Variants in RAET1E observed in about 807,000 individuals in gnomAD.
The protein encoded by RAET1E is retinoic acid early transcript 1E.
In RAET1E, 27 loss-of-function variants were observed where a neutral mutation model predicts 21.1. That is an observed-to-expected ratio of 1.28 (90% CI 0.94 to 1.76). The LOEUF (loss-of-function observed/expected upper bound fraction) is 1.76. RAET1E is among the 40% of genes most tolerant of loss of function. The pLI is 0.00. For synonymous variants in RAET1E, 113 were observed against 115.0 expected (o/e 0.98, Z 0.11); for missense variants, 310 against 311.3 (o/e 1.00, Z 0.03).
chr6:149,896,968 C>A (rs1778140012), intron 1 of RAET1E, among the ~76,000 whole-genome samples: 1 of 152,182 alleles, frequency 6.6e-6, no homozygotes, highest in African/African-American at 2.4e-5. Context: ...CATTTTCCAA[C>A]TGCAAAATGT....
intron 3 of RAET1E, 118 bp downstream of exon 3, chr6:149,890,699 G>A (rs1367678619): frequency 1.6e-5 from 11 of 702,032 alleles, no homozygotes; most frequent in African/African-American, 7.0e-5. Flanking sequence ...TCTTCCTCAC[G>A]TCATCCTTAA....
chr6:149,884,473 GC>G lies in RAET1E; in HGVS notation c.*4024del. The G allele has an allele frequency of 6.5e-7, 1 of 1,535,616 alleles. No homozygotes were observed. Among genetic ancestry groups the G allele is most frequent in the South Asian group, 1.2e-5 (1 of 84,060 alleles). The stretch of plus-strand genomic sequence containing the variant: ...GACCACAGGTGAACAACTCTGCGCC[GC>G]CGTGGTATCACCTCTAGGTGGATCT... On this transcript the variant is annotated 3_prime_UTR_variant, in exon 6 of 6. Coordinates refer to ENST00000357183, the MANE Select transcript of RAET1E (RefSeq NM_001394057.1).
intron 2 of RAET1E, among the ~76,000 whole-genome samples, 162 bp from the exon 3 acceptor site, chr6:149,891,196 C>A (rs546023362): frequency 1.3e-5 from 2 of 152,232 alleles, no homozygotes; most frequent in East Asian, 3.9e-4. Context: ...CAAAAAAAAC[C>A]CCCTCTGGTG....
Position 149,884,478 on chromosome 6 carries a change from G to GGCGCAGA in RAET1E, c.*4019_*4020insTCTGCGC. 6.5e-7 allele frequency: 1 copy of GGCGCAGA among 1,535,716 alleles called. No homozygotes were observed. The highest frequency in any genetic ancestry group is 8.7e-7 in the Non-Finnish European group (1 of 1,146,672). On this transcript the variant is annotated 3_prime_UTR_variant, in exon 6 of 6. Coordinates refer to ENST00000357183, the MANE Select transcript of RAET1E (RefSeq NM_001394057.1). ...CAGGTGAACAACTCTGCGCCGCCGT[G>GGCGCAGA]GTATCACCTCTAGGTGGATCTTCTG...
chr6:149,889,249 C>T, intron 5 of RAET1E, 99 bp downstream of exon 5: 1 of 1,516,532 alleles, frequency 6.6e-7, no homozygotes, highest in Non-Finnish European at 8.8e-7. Context: ...ACGGAGAAGT[C>T]AATCAAATTT....
chr6:149,892,076 G>T (rs1306298653), intron 2 of RAET1E, among the ~76,000 whole-genome samples: 1 of 152,174 alleles, frequency 6.6e-6, no homozygotes, highest in Non-Finnish European at 1.5e-5. Flanking sequence ...TTTTATGGCT[G>T]CATAGTGTTC....
rs1777646814 is a variant in RAET1E at position 149,887,137 on chromosome 6, A to G, written c.*1361T>C. On this transcript the variant is annotated 3_prime_UTR_variant, in exon 6 of 6. Transcript: ENST00000357183. ...AGCAGCCGACTCGGTTACCAGGATGAGGCTAGAGGCCAGGAACTCCCAGGT... is the reference window on the plus strand; with the variant it reads ...AGCAGCCGACTCGGTTACCAGGATGGGGCTAGAGGCCAGGAACTCCCAGGT... 6.6e-6 allele frequency among the ~76,000 whole-genome samples: 1 copy of G among 152,170 alleles called. No individual in the cohort carries two copies. Among genetic ancestry groups the G allele is most frequent in the Non-Finnish European group, 1.5e-5 (1 of 68,026 alleles).
chr6:149,896,484 T>G (rs1029972801), intron 1 of RAET1E, among the ~76,000 whole-genome samples: 2 of 152,140 alleles, frequency 1.3e-5, no homozygotes, highest in Non-Finnish European at 2.9e-5. Flanking sequence ...CACCTCTTGG[T>G]CTGGAGAAGG....
chr6:149,897,138 T>C (rs1320670761), intron 1 of RAET1E, among the ~76,000 whole-genome samples: 2 of 152,208 alleles, frequency 1.3e-5, no homozygotes, highest in Non-Finnish European at 2.9e-5. Flanking sequence ...GCTCAATCAG[T>C]CCTTCCACTT....
In RAET1E at chr6:149,888,560, T is replaced by A; in HGVS notation, c.730A>T (p.Ile244Phe). 6.2e-7 allele frequency: 1 copy of A among 1,612,168 alleles called. No homozygotes were observed. The highest frequency in any genetic ancestry group is 8.5e-7 in the Non-Finnish European group (1 of 1,179,790). Residue 244 changes from isoleucine to phenylalanine, a missense_variant, in exon 6 of 6, where the codon ATC becomes TTC. Ile to Phe is a conservative substitution (Grantham distance 21, BLOSUM62 0). Coordinates refer to ENST00000357183, the MANE Select transcript of RAET1E (RefSeq NM_001394057.1). Reference protein sequence around the residue: ...ILLVLMGIVLICVWWQNGEWQ... With the variant: ...ILLVLMGIVLFCVWWQNGEWQ... Reference sequence around the variant, plus strand: ...TCACCATTTTGCCACCAGACACAGATGAGAACAATTCCCATTAAAACTAAC... The same window carrying A: ...TCACCATTTTGCCACCAGACACAGAAGAGAACAATTCCCATTAAAACTAAC...
intron 3 of RAET1E, 154 bp from the exon 4 acceptor site, chr6:149,890,299 C>T: frequency 5.4e-6 from 4 of 744,828 alleles, no homozygotes; most frequent in Admixed American, 2.8e-5. Flanking sequence ...TCCCTGTTCC[C>T]ATCTCTCCCT....
intron 3 of RAET1E, 37 bp from the exon 4 acceptor site, chr6:149,890,182 G>A (rs541691801): frequency 1.9e-6 from 3 of 1,608,680 alleles, no homozygotes; most frequent in Non-Finnish European, 2.5e-6. Flanking sequence ...CCAGGACAGG[G>A]GAAGAGGCCC....
chr6:149,888,409 G>A lies in RAET1E; in HGVS notation c.*89C>T. The A allele has an allele frequency of 6.7e-7, 1 of 1,491,032 alleles. No individual in the cohort carries two copies. The highest frequency in any genetic ancestry group is 9.2e-7 in the Non-Finnish European group (1 of 1,088,346). The allele number at this position is 1,491,032 out of a possible 1,614,324, so 92.4% of individuals were successfully genotyped here. On this transcript the variant is annotated 3_prime_UTR_variant, in exon 6 of 6. Transcript: ENST00000357183. ...TGTAGTGTGGGGGCTCAAGACTAAGGCAGTGCACCATTTCTGTGGAGAGAG... is the reference window on the plus strand; with the variant it reads ...TGTAGTGTGGGGGCTCAAGACTAAGACAGTGCACCATTTCTGTGGAGAGAG...
At position 149,884,294 on chromosome 6, in the gene RAET1E, A is replaced by G; in HGVS notation, c.*4204T>C. 1 of 571,476 alleles carries G rather than the reference A, an allele frequency of 1.7e-6. No homozygotes were observed. The highest frequency in any genetic ancestry group is 3.1e-6 in the Non-Finnish European group (1 of 318,860). 35.4% of individuals were successfully genotyped at this position (571,476 alleles called of 1,614,324 possible). A position where few individuals can be genotyped will look rare whatever the true frequency, so the allele number is the denominator to read the frequency against. On this transcript the variant is annotated 3_prime_UTR_variant, in exon 6 of 6. Transcript: ENST00000357183. ...TGCCCAGCCCTATCTTTTAAAAAAT[A>G]TGTACTGAAAAAAAATTTTTTTTTT...
rs984426339 is a variant in RAET1E at position 149,891,024 on chromosome 6, T to C, written c.-123A>G. 28 of 707,222 alleles carry C rather than the reference T, an allele frequency of 4.0e-5. No individual in the cohort carries two copies. The highest frequency in any genetic ancestry group is 6.4e-5 in the Non-Finnish European group (25 of 391,918). 43.8% of individuals were successfully genotyped at this position (707,222 alleles called of 1,614,324 possible). A position where few individuals can be genotyped will look rare whatever the true frequency, so the allele number is the denominator to read the frequency against. On this transcript the variant is annotated 5_prime_UTR_variant, in exon 3 of 6. Coordinates refer to ENST00000357183, the MANE Select transcript of RAET1E (RefSeq NM_001394057.1). ...CCCAAATTCTTTACCCTGGAACAAC[T>C]GAGGTCAGGCCTGTAGAGACCCAAT...
rs1202700134 is a variant in RAET1E at position 149,889,418 on chromosome 6, G to A, written c.552C>T (p.Leu184=). ...GCCAGTGATCGCAGTCTCCCTTTGA[G>A]AGCTTCCTGAAATACTTTTCCAGCC... ...DRGLEKYFRK[L]SKGDCDHWLR... The change falls in exon 5 of 6, where the codon CTC becomes CTT. Residue 184 remains leucine (L), a synonymous_variant. Coordinates refer to ENST00000357183, the MANE Select transcript of RAET1E (RefSeq NM_001394057.1). 5 of 1,614,168 alleles carry A rather than the reference G, an allele frequency of 3.1e-6. No individual in the cohort carries two copies. In the East Asian group the frequency reaches 6.7e-5, roughly 22 times the overall value.
At position 149,888,680 on chromosome 6, in the gene RAET1E, A is replaced by G. The variant is rs765395700; in HGVS notation, c.623-13T>C. On this transcript the variant is annotated splice_polypyrimidine_tract_variant and intron_variant, in intron 5 of 5. Transcript: ENST00000357183. ...TTTACTGGTGACACTAAAAAAAAAA[A>G]AAAAAAGAAAAAAAAGCACAAGCCC... 2 of 1,555,684 alleles carry G rather than the reference A, an allele frequency of 1.3e-6. No homozygotes were observed. The highest frequency in any genetic ancestry group is 1.4e-5 in the African/African-American group (1 of 70,192).
Position 149,888,353 on chromosome 6 carries a change from C to T in RAET1E, c.*145G>A. The stretch of plus-strand genomic sequence containing the variant: ...AGGAGATGATTGCTTCATCCCTCCT[C>T]TCACTGCACATTGTGCTGCCAGCCC... On this transcript the variant is annotated 3_prime_UTR_variant, in exon 6 of 6. Coordinates refer to ENST00000357183, the MANE Select transcript of RAET1E (RefSeq NM_001394057.1). 4 of 982,660 alleles carry T rather than the reference C, an allele frequency of 4.1e-6. No homozygotes were observed. The highest frequency in any genetic ancestry group is 2.6e-5 in the East Asian group (1 of 39,052). 60.9% of individuals were successfully genotyped at this position (982,660 alleles called of 1,614,324 possible). A position where few individuals can be genotyped will look rare whatever the true frequency, so the allele number is the denominator to read the frequency against.
At chr6:149,894,462 C>T (rs1458633796) in intron 2 of RAET1E, among the ~76,000 whole-genome samples, 2 of 152,124 alleles carry the variant, frequency 1.3e-5, no homozygotes, top group Admixed American at 1.3e-4. Flanking sequence ...TTCTTGGAGG[C>T]TTTGTTCATT....
Sources: gnomAD v4.1 joint callset for allele counts (sites outside exome capture counted in the v4.1 genomes callset) on GRCh38, gnomAD v4.1.1 for gene constraint, MANE v1.5 for transcripts, NCBI Gene and HGNC (gene_info 2026-07-23, HGNC 2026-07-21) for gene names.